Variants in CDKL5 observed in about 807,000 individuals in gnomAD.
The protein encoded by CDKL5 is cyclin dependent kinase like 5, also known as cyclin-dependent kinase-like 5.
Under a neutral mutation model 61.7 loss-of-function variants are expected in CDKL5, and 8 were observed. The observed-to-expected ratio is 0.13, with a 90% confidence interval of 0.08 to 0.23. The LOEUF is 0.23. Among genes scored for constraint, CDKL5 ranks in the 10% least tolerant of loss-of-function variants. The pLI, the probability that CDKL5 is intolerant of heterozygous loss-of-function variation, is 1.00. For missense variants in CDKL5, 440 were observed against 734.5 expected (o/e 0.60, Z 4.63); for synonymous variants, 275 against 272.3 (o/e 1.01, Z -0.10).
At chrX:18,606,517 T>C (rs1926372650) in intron 12 of CDKL5, among the ~76,000 whole-genome samples, 2 of 112,468 alleles carry the variant, frequency 1.8e-5, no homozygotes, top group Middle Eastern at 4.6e-3. Context: ...GTTGTTCCAC[T>C]ACTGTGAGGT....
chrX:18,513,503 G>T (rs1438858430), intron 3 of CDKL5, among the ~76,000 whole-genome samples: 1 of 111,069 alleles, frequency 9.0e-6, no homozygotes, highest in Non-Finnish European at 1.9e-5. Flanking sequence ...AAAAAAACAA[G>T]TCTGTGAGGT....
intron 2 of CDKL5, among the ~76,000 whole-genome samples, chrX:18,509,588 G>T (rs774155838): frequency 9.0e-6 from 1 of 111,509 alleles, no homozygotes; most frequent in Non-Finnish European, 1.9e-5. Context: ...ATTACATTTT[G>T]ATTCTCTTAA....
At chrX:18,509,197 G>GCACACACACACACACACACA (rs60516677) in intron 2 of CDKL5, among the ~76,000 whole-genome samples, 17 of 64,314 alleles carry the variant, frequency 2.6e-4, no homozygotes, top group East Asian at 6.9e-4. Flanking sequence ...CTCAAAACAC[G>GCACACACACACACACACACA]CACACACACA....
At chrX:18,494,556 G>A (rs1050770163) in intron 1 of CDKL5, among the ~76,000 whole-genome samples, 2 of 112,437 alleles carry the variant, frequency 1.8e-5, no homozygotes, top group Non-Finnish European at 3.8e-5. Context: ...ACCCAGCCCA[G>A]CCTTAGCTCT....
intron 1 of CDKL5, among the ~76,000 whole-genome samples, chrX:18,482,621 TCAAA>T (rs922746835): frequency 2.7e-5 from 3 of 111,234 alleles, no homozygotes; most frequent in African/African-American, 9.8e-5. Flanking sequence ...TTTATTTCCT[TCAAA>T]CAAATACCTT....
intron 3 of CDKL5, chrX:18,535,216 T>C (rs17320914): frequency 0.026 from 3,094 of 120,085 alleles, 104 homozygotes; most frequent in East Asian, 0.19. Flanking sequence ...ATGAGCAGTT[T>C]GCCTTTCATT....
chrX:18,600,594 G>T (rs1191997368), intron 11 of CDKL5, among the ~76,000 whole-genome samples: 1 of 112,109 alleles, frequency 8.9e-6, no homozygotes, highest in Non-Finnish European at 1.9e-5. Context: ...TGTGAAAAGA[G>T]GCTGTGTATT....
At chrX:18,578,039 T>A (rs1925356505) in intron 5 of CDKL5, among the ~76,000 whole-genome samples, 1 of 112,227 alleles carries the variant, frequency 8.9e-6, no homozygotes, top group Non-Finnish European at 1.9e-5. Flanking sequence ...TTCTGATTGG[T>A]CTTTTTTACA....
chrX:18,521,518 T>C (rs916965619), intron 3 of CDKL5, among the ~76,000 whole-genome samples: 2 of 111,885 alleles, frequency 1.8e-5, no homozygotes, highest in Non-Finnish European at 3.8e-5. Context: ...TTGATCCATT[T>C]TGAATTGTTG....
At chrX:18,529,755 T>C (rs752497513) in intron 3 of CDKL5, among the ~76,000 whole-genome samples, 1 of 111,348 alleles carries the variant, frequency 9.0e-6, no homozygotes, top group Non-Finnish European at 1.9e-5. Flanking sequence ...AAGGTGTTTT[T>C]TTTCCTCTGA....
At chrX:18,580,034 G>C in intron 6 of CDKL5, 66 bp downstream of exon 6, 1 of 929,611 alleles carries the variant, frequency 1.1e-6, no homozygotes, top group Non-Finnish European at 1.6e-6. Flanking sequence ...TATTTCACAT[G>C]TTACTGTCTT....
Position 18,629,966 on chromosome X carries a change from CTA to C in CDKL5, c.*1211_*1212del. ...TGTCTGCAGATCTTGCAAACCATCTCTATGCTCCTGAATATTGTCCACTGTCC... is the reference window on the plus strand; with the variant it reads ...TGTCTGCAGATCTTGCAAACCATCTCTGCTCCTGAATATTGTCCACTGTCC... On this transcript the variant is annotated 3_prime_UTR_variant, in exon 18 of 18. Transcript: ENST00000623535. 4.0e-6 allele frequency: 3 copies of C among 754,089 alleles called. No individual in the cohort carries two copies. Among genetic ancestry groups the C allele is most frequent in the Non-Finnish European group, 4.7e-6 (3 of 639,184 alleles). 62.1% of individuals were successfully genotyped at this position (754,089 alleles called of 1,213,427 possible). A position where few individuals can be genotyped will look rare whatever the true frequency, so the allele number is the denominator to read the frequency against.
chrX:18,558,127 A>G (rs190959232), intron 3 of CDKL5, among the ~76,000 whole-genome samples: 1 of 111,438 alleles, frequency 9.0e-6, no homozygotes, highest in Non-Finnish European at 1.9e-5. Context: ...ACATAATACA[A>G]TTCTAATTTT....
At chrX:18,543,300 AT>A (rs749581064) in intron 3 of CDKL5, among the ~76,000 whole-genome samples, 3,007 of 104,389 alleles carry the variant, frequency 0.029, 112 homozygotes, top group African/African-American at 0.099. Context: ...TCTTGGAGCT[AT>A]TTTTTTTTTA....
At chrX:18,484,226 A>G (rs1322756288) in intron 1 of CDKL5, among the ~76,000 whole-genome samples, 2 of 112,534 alleles carry the variant, frequency 1.8e-5, no homozygotes, top group East Asian at 2.8e-4. Flanking sequence ...CAAGTAACTA[A>G]CTAGTTGGTA....
chrX:18,492,805 G>A (rs867555271), intron 1 of CDKL5, among the ~76,000 whole-genome samples: 36 of 112,134 alleles, frequency 3.2e-4, no homozygotes, highest in South Asian at 7.5e-4. Flanking sequence ...TCCAGGTACT[G>A]AGCCATTCTC....
intron 14 of CDKL5, among the ~76,000 whole-genome samples, chrX:18,612,901 A>G (rs1254777275): frequency 9.1e-6 from 1 of 109,378 alleles, no homozygotes; most frequent in Non-Finnish European, 1.9e-5. Flanking sequence ...TGTTAGAGAA[A>G]ATGCAGTAGG....
intron 2 of CDKL5, among the ~76,000 whole-genome samples, chrX:18,509,195 A>ACACGCGCG (rs1922709188): frequency 1.5e-5 from 1 of 64,689 alleles, no homozygotes; most frequent in African/African-American, 6.6e-5. Flanking sequence ...GTCTCAAAAC[A>ACACGCGCG]CGCACACACA....
At chrX:18,517,568 T>C (rs994048564) in intron 3 of CDKL5, among the ~76,000 whole-genome samples, 2 of 111,892 alleles carry the variant, frequency 1.8e-5, no homozygotes, top group Admixed American at 9.5e-5. Flanking sequence ...TGATTTATAC[T>C]AGCTCCTTAA....
Sources: allele counts gnomAD v4.1 joint callset (sites outside exome capture counted in the v4.1 genomes callset), GRCh38; gene constraint gnomAD v4.1.1; transcripts MANE v1.5; gene names NCBI Gene and HGNC (gene_info 2026-07-23, HGNC 2026-07-21).